KCNQ1OT1: variants seen among roughly 807,000 people sequenced by gnomAD.
KCNQ1OT1 encodes KCNQ1 antisense RNA 2 (non-protein coding).
At chr11:2,655,410 T>C in exon 1 of KCNQ1OT1, 1 of 398,684 alleles carries the variant, frequency 2.5e-6, no homozygotes, top group Non-Finnish European at 4.4e-6. Flanking sequence ...TGCTGTGCTC[T>C]TTGTCCCCAG....
exon 1 of KCNQ1OT1, chr11:2,643,913 C>G: frequency 2.5e-6 from 1 of 398,554 alleles, no homozygotes; most frequent in Non-Finnish European, 4.4e-6. Context: ...TCTTTCAGCA[C>G]TCTGCGTATA....
chr11:2,656,625 A>C (rs1225474493), exon 1 of KCNQ1OT1: 1 of 398,358 alleles, frequency 2.5e-6, no homozygotes, highest in Admixed American at 4.4e-5. Flanking sequence ...CTATTAAGTC[A>C]TTTATATTTT....
At chr11:2,656,594 A>C in exon 1 of KCNQ1OT1, 1 of 398,596 alleles carries the variant, frequency 2.5e-6, no homozygotes, top group Non-Finnish European at 4.4e-6. Flanking sequence ...GTGATGTGCT[A>C]CTTTGTCTAT....
chr11:2,698,945 A>C lies in KCNQ1OT1; in HGVS notation n.1050T>G. The stretch of plus-strand genomic sequence containing the variant: ...ACCCTAGACCCGAATTCTGATCCCA[A>C]CTAGGATACCTAACTCAGAACCACA... On this transcript the variant is annotated non_coding_transcript_exon_variant, in exon 1 of 1. Transcript: ENST00000597346. The surrounding 1 kb of genome is among the most constrained non-coding windows in gnomAD (Gnocchi z 5.1). 2.5e-6 allele frequency: 1 copy of C among 398,588 alleles called. No individual in the cohort carries two copies. Among genetic ancestry groups the C allele is most frequent in the Non-Finnish European group, 4.4e-6 (1 of 226,064 alleles). 24.7% of individuals were successfully genotyped at this position (398,588 alleles called of 1,614,324 possible).
exon 1 of KCNQ1OT1, chr11:2,697,864 C>T (rs1043857758): frequency 5.0e-6 from 2 of 398,594 alleles, no homozygotes; most frequent in Non-Finnish European, 8.8e-6. Flanking sequence ...TGCTCTGATT[C>T]GCAATTTTAA....
exon 1 of KCNQ1OT1, chr11:2,675,658 C>T (rs1456309025): frequency 7.5e-6 from 3 of 398,682 alleles, no homozygotes; most frequent in East Asian, 3.6e-5. Context: ...TCTAGGAGCC[C>T]GCCCAGGGCC....
exon 1 of KCNQ1OT1, chr11:2,660,364 T>C: frequency 5.0e-6 from 2 of 398,562 alleles, no homozygotes; most frequent in Non-Finnish European, 4.4e-6. Context: ...GAGAATTGTA[T>C]TACGCTGATG....
chr11:2,636,736 T>A (rs969539278), exon 1 of KCNQ1OT1: 3 of 152,196 alleles, frequency 2.0e-5, no homozygotes, highest in African/African-American at 4.8e-5. Context: ...TTTTCTATTG[T>A]TTGGAATAGT....
At chr11:2,638,554 T>C (rs1452720121) in exon 1 of KCNQ1OT1, 1 of 152,248 alleles carries the variant, frequency 6.6e-6, no homozygotes, top group Non-Finnish European at 1.5e-5. Flanking sequence ...GCCGTTAGTC[T>C]GATGGGTTTC....
exon 1 of KCNQ1OT1, chr11:2,696,837 T>G (rs1850684428): frequency 2.5e-6 from 1 of 398,512 alleles, no homozygotes; most frequent in African/African-American, 2.1e-5. Context: ...ATCTCTATTA[T>G]GCTTTTTTTT....
In KCNQ1OT1 at chr11:2,698,884, G is replaced by A. The variant is rs1233683488; in HGVS notation, n.1111C>T. ...GACTGACTGGGACCCCAACTACTCAGATCCCAACTCAGGCAAACTCCCAGC... is the reference window on the plus strand; with the variant it reads ...GACTGACTGGGACCCCAACTACTCAAATCCCAACTCAGGCAAACTCCCAGC... On this transcript the variant is annotated non_coding_transcript_exon_variant, in exon 1 of 1. Transcript: ENST00000597346. This position sits in a 1 kb window ranked among gnomAD's most constrained non-coding sequence, Gnocchi z 5.1. 1 of 398,648 alleles carries A rather than the reference G, an allele frequency of 2.5e-6. No individual in the cohort carries two copies. Among genetic ancestry groups the A allele is most frequent in the African/African-American group, 2.1e-5 (1 of 48,596 alleles). The allele number at this position is 398,648 out of a possible 1,614,324, so 24.7% of individuals were successfully genotyped here. A position where few individuals can be genotyped will look rare whatever the true frequency, so the allele number is the denominator to read the frequency against.
Position 2,619,422 on chromosome 11 carries a change from G to C in KCNQ1OT1, n.80573C>G, listed in dbSNP as rs1314175417. The C allele has an allele frequency of 8.5e-5, 34 of 398,408 alleles. 1 individual carries two copies. The highest frequency in any genetic ancestry group is 1.3e-5 in the Non-Finnish European group (3 of 226,044). The allele number at this position is 398,408 out of a possible 1,614,324, so 24.7% of individuals were successfully genotyped here. On this transcript the variant is annotated non_coding_transcript_exon_variant, in exon 1 of 1. Coordinates refer to ENST00000597346, the Ensembl canonical transcript of KCNQ1OT1. Reference sequence around the variant, plus strand: ...ATCAAATACTTTTTGTGTGTCAATTGAGATGATCATGTGGTTTTCATCTTT... The same window carrying C: ...ATCAAATACTTTTTGTGTGTCAATTCAGATGATCATGTGGTTTTCATCTTT...
At chr11:2,660,490 A>T (rs1002179542) in exon 1 of KCNQ1OT1, 1 of 398,552 alleles carries the variant, frequency 2.5e-6, no homozygotes, top group African/African-American at 2.1e-5. Context: ...GAAGCTATCT[A>T]TGCCTCATAT....
In KCNQ1OT1 at chr11:2,617,899, G is replaced by C. The variant is rs1849094058; in HGVS notation, n.82096C>G. On this transcript the variant is annotated non_coding_transcript_exon_variant, in exon 1 of 1. Transcript: ENST00000597346. This position sits in a 1 kb window ranked among gnomAD's most constrained non-coding sequence, Gnocchi z 4.6. Reference sequence around the variant, plus strand: ...TTGGGTTATCTATTTTCTTGTTATTGAGTTGTATGCATTCCTTATAAATTT... The same window carrying C: ...TTGGGTTATCTATTTTCTTGTTATTCAGTTGTATGCATTCCTTATAAATTT... 1 of 398,344 alleles carries C rather than the reference G, an allele frequency of 2.5e-6. No homozygotes were observed. Among genetic ancestry groups the C allele is most frequent in the Non-Finnish European group, 4.4e-6 (1 of 226,024 alleles). The allele number at this position is 398,344 out of a possible 1,614,324, so 24.7% of individuals were successfully genotyped here.
chr11:2,631,722 G>T (rs1225260753), exon 1 of KCNQ1OT1: 1 of 398,466 alleles, frequency 2.5e-6, no homozygotes, highest in East Asian at 3.6e-5. Context: ...CTGTAGCCCA[G>T]ATGAGGATAT....
chr11:2,632,559 T>C, exon 1 of KCNQ1OT1: 1 of 398,354 alleles, frequency 2.5e-6, no homozygotes, highest in Non-Finnish European at 4.4e-6. Context: ...ATTGTAGATA[T>C]TTATGGGATA....
In KCNQ1OT1 at chr11:2,653,113, G is replaced by A. The variant is rs1849783031; in HGVS notation, n.46882C>T. On this transcript the variant is annotated non_coding_transcript_exon_variant, in exon 1 of 1. Coordinates refer to ENST00000597346, the Ensembl canonical transcript of KCNQ1OT1. This position sits in a 1 kb window ranked among gnomAD's most constrained non-coding sequence, Gnocchi z 5.3. ...GTGGAGAGAGGCTCACTGAAGGTTT[G>A]GGGAGATGAGGACTTGCATCACAGC... The A allele has an allele frequency of 2.5e-6, 1 of 398,592 alleles. No individual in the cohort carries two copies. Among genetic ancestry groups the A allele is most frequent in the Admixed American group, 4.4e-5 (1 of 22,730 alleles). The allele number at this position is 398,592 out of a possible 1,614,324, so 24.7% of individuals were successfully genotyped here. A position where few individuals can be genotyped will look rare whatever the true frequency, so the allele number is the denominator to read the frequency against.
At chr11:2,648,170 G>A (rs747438207) in exon 1 of KCNQ1OT1, 34 of 386,144 alleles carry the variant, frequency 8.8e-5, no homozygotes, top group African/African-American at 2.7e-4. Flanking sequence ...ACACCACTGC[G>A]CTCTAGCCTG....
At chr11:2,629,114 CTA>C in exon 1 of KCNQ1OT1, 1 of 397,638 alleles carries the variant, frequency 2.5e-6, no homozygotes, top group Non-Finnish European at 4.4e-6. Context: ...TTTTTTTTGT[CTA>C]TATCTGTGAA....
Sources: gnomAD v4.1 joint callset for allele counts on GRCh38, gnomAD v4.1.1 for gene constraint, Gnocchi (gnomAD v3.1) non-coding constraint, MANE v1.5 for transcripts, NCBI Gene and HGNC (gene_info 2026-07-23, HGNC 2026-07-21) for gene names.